Variants in MAP3K7 observed in about 807,000 individuals in gnomAD.
MAP3K7 encodes the protein TGF-beta activated kinase 1.
Under a neutral mutation model 84.8 loss-of-function variants are expected in MAP3K7, and 21 were observed. The observed-to-expected ratio is 0.25, with a 90% CI of 0.18 to 0.36. The LOEUF is 0.36. Ranked by LOEUF, MAP3K7 falls within the 10% of genes least tolerant of loss-of-function variation. The pLI is 1.00. For missense variants in MAP3K7, 503 were observed against 747.7 expected, an observed-to-expected ratio of 0.67 and a Z score of 3.82; for synonymous variants, 241 against 247.7, an observed-to-expected ratio of 0.97 and a Z score of 0.25.
intron 1 of MAP3K7, 29 bp downstream of exon 1, chr6:90,586,735 C>A: frequency 1.9e-6 from 3 of 1,555,158 alleles, no homozygotes; most frequent in Non-Finnish European, 2.6e-6. Context: ...CAGGCCGGGA[C>A]CGGCGTCTCC....
intron 3 of MAP3K7, among the ~76,000 whole-genome samples, chr6:90,566,346 T>C (rs1340011142): frequency 6.6e-6 from 1 of 152,338 alleles, no homozygotes; most frequent in Non-Finnish European, 1.5e-5. Context: ...CTTAAGCTGA[T>C]AAGCAACTTC....
Position 90,571,753 on chromosome 6 carries a change from C to T in MAP3K7, c.175G>A (p.Asp59Asn). The change falls in exon 2 of 17, where the codon GAT becomes AAT. Residue 59 changes from aspartate to asparagine, a missense_variant. Asp to Asn is a conservative substitution (Grantham distance 23, BLOSUM62 1). Coordinates refer to ENST00000369329, the MANE Select transcript of MAP3K7 (RefSeq NM_145331.3). ...CTTTCTATTTGTTTAATAGCAACAT[C>T]TTTTGCTCTCCACTTAGCTTTGCAA... Reference protein sequence around the residue: ...VVCKAKWRAKDVAIKQIESES... With the variant: ...VVCKAKWRAKNVAIKQIESES... The T allele has an allele frequency of 6.2e-7, 1 of 1,606,352 alleles. No homozygotes were observed. Among genetic ancestry groups the T allele is most frequent in the South Asian group, 1.1e-5 (1 of 89,864 alleles).
chr6:90,586,543 A>T (rs1777462307), intron 1 of MAP3K7, among the ~76,000 whole-genome samples: 1 of 152,116 alleles, frequency 6.6e-6, no homozygotes, highest in Admixed American at 6.5e-5. Context: ...ATCCAAAATC[A>T]AGAGTACCCA....
intron 2 of MAP3K7, 89 bp downstream of exon 2, chr6:90,571,608 C>T: frequency 1.3e-5 from 9 of 684,544 alleles, no homozygotes; most frequent in Non-Finnish European, 2.1e-5. Context: ...AAAGAAATGA[C>T]ATCTGAGAAA....
At chr6:90,566,620 G>A (rs1322542132) in intron 3 of MAP3K7, among the ~76,000 whole-genome samples, 1 of 152,168 alleles carries the variant, frequency 6.6e-6, no homozygotes, top group Non-Finnish European at 1.5e-5. Flanking sequence ...TCAATATCGT[G>A]AAAATGGTCA....
intron 12 of MAP3K7, among the ~76,000 whole-genome samples, chr6:90,540,445 A>G (rs1380103877): frequency 6.6e-6 from 1 of 152,034 alleles, no homozygotes; most frequent in East Asian, 1.9e-4. Context: ...AGCATTAAAA[A>G]TGTCTGTAAT....
chr6:90,554,217 T>A lies in MAP3K7; in HGVS notation c.608-631A>T, dbSNP rs577912420. On this transcript the variant is annotated intron_variant, in intron 6 of 16. Transcript: ENST00000369329. ...CCATTGTGCCTGGCCTCCTTTCTGT[T>A]ACATTTTAATCTTAAATTTTCTTCC... Among the ~76,000 whole-genome samples the A allele has an allele frequency of 3.9e-5, 6 of 152,300 alleles. No individual in the cohort carries two copies. The East Asian group carries it at 5.8e-4, about 15-fold the overall frequency.
intron 12 of MAP3K7, among the ~76,000 whole-genome samples, chr6:90,540,602 G>GT (rs1190703442): frequency 6.6e-6 from 1 of 151,868 alleles, no homozygotes; most frequent in Non-Finnish European, 1.5e-5. Flanking sequence ...TTTATAGGTG[G>GT]TAAGTATATA....
chr6:90,516,139 T>C lies in MAP3K7; in HGVS notation c.*362A>G. 4.7e-6 allele frequency: 1 copy of C among 213,162 alleles called. No homozygotes were observed. The highest frequency in any genetic ancestry group is 1.8e-3 in the Middle Eastern group (1 of 564). 13.2% of individuals were successfully genotyped at this position (213,162 alleles called of 1,614,324 possible). On this transcript the variant is annotated 3_prime_UTR_variant, in exon 17 of 17. Transcript: ENST00000369329. The stretch of plus-strand genomic sequence containing the variant: ...AAAGTCATTCTTGAGGTTCCACCTC[T>C]AATATGAAAAAATGGACGCTGTTTG...
intron 9 of MAP3K7, 32 bp downstream of exon 9, chr6:90,550,436 C>G: frequency 2.9e-6 from 4 of 1,398,520 alleles, no homozygotes; most frequent in Non-Finnish European, 4.0e-6. Context: ...AAAGAAAAAT[C>G]AAGTCAATAC....
chr6:90,544,272 A>G (rs565782271), intron 12 of MAP3K7, among the ~76,000 whole-genome samples: 11 of 152,208 alleles, frequency 7.2e-5, no homozygotes, highest in Admixed American at 3.3e-4. Flanking sequence ...TGCTCACTTA[A>G]AAGTAGAGAG....
In MAP3K7 at chr6:90,516,413, A is replaced by G. The variant is rs1774963526; in HGVS notation, c.*88T>C. ...GCATTCAGAACACGCCAAAAAGCTAACACTCATGAATCGTCATTATAAGGT... is the reference window on the plus strand; with the variant it reads ...GCATTCAGAACACGCCAAAAAGCTAGCACTCATGAATCGTCATTATAAGGT... On this transcript the variant is annotated 3_prime_UTR_variant, in exon 17 of 17. Coordinates refer to ENST00000369329, the MANE Select transcript of MAP3K7 (RefSeq NM_145331.3). 1.5e-6 allele frequency: 2 copies of G among 1,365,832 alleles called. No homozygotes were observed. The highest frequency in any genetic ancestry group is 2.5e-5 in the South Asian group (2 of 79,006). The allele number at this position is 1,365,832 out of a possible 1,614,324, so 84.6% of individuals were successfully genotyped here.
intron 1 of MAP3K7, among the ~76,000 whole-genome samples, chr6:90,572,692 C>T (rs1330678474): frequency 6.6e-6 from 1 of 151,814 alleles, no homozygotes; most frequent in East Asian, 1.9e-4. Context: ...GATCTCATTA[C>T]AGTTATTTTT....
intron 5 of MAP3K7, among the ~76,000 whole-genome samples, chr6:90,559,469 A>G (rs1373059221): frequency 6.6e-6 from 1 of 152,184 alleles, no homozygotes; most frequent in Non-Finnish European, 1.5e-5. Flanking sequence ...AAAGGAAACA[A>G]TATGTTTTAT....
chr6:90,568,022 T>C (rs996563695), intron 3 of MAP3K7, among the ~76,000 whole-genome samples: 8 of 152,162 alleles, frequency 5.3e-5, no homozygotes, highest in South Asian at 2.1e-4. Flanking sequence ...ATGAGAACAC[T>C]TGGACACAGG....
chr6:90,553,360 G>T, intron 7 of MAP3K7, 98 bp downstream of exon 7: 1 of 1,173,232 alleles, frequency 8.5e-7, no homozygotes, highest in Non-Finnish European at 1.2e-6. Context: ...ACATTTTAAT[G>T]TTAGAGATAA....
rs1774955137 is a variant in MAP3K7 at position 90,516,201 on chromosome 6, G to C, written c.*300C>G. The C allele has an allele frequency of 2.5e-6, 1 of 399,260 alleles. No homozygotes were observed. The highest frequency in any genetic ancestry group is 4.4e-5 in the Admixed American group (1 of 22,554). 24.7% of individuals were successfully genotyped at this position (399,260 alleles called of 1,614,324 possible). ...TAGTTTGATACCTCCTGTTCTGTTA[G>C]GCTAGCCTTCACACAATGAGCATGC... On this transcript the variant is annotated 3_prime_UTR_variant, in exon 17 of 17. Transcript: ENST00000369329.
chr6:90,563,252 C>A (rs910208327), intron 3 of MAP3K7, among the ~76,000 whole-genome samples: 3 of 152,118 alleles, frequency 2.0e-5, no homozygotes, highest in African/African-American at 7.2e-5. Flanking sequence ...AGGCTTCAGA[C>A]AATCGGTAAT....
At chr6:90,546,442 G>T (rs1411473607) in intron 11 of MAP3K7, among the ~76,000 whole-genome samples, 1 of 152,064 alleles carries the variant, frequency 6.6e-6, no homozygotes, top group Non-Finnish European at 1.5e-5. Context: ...CTCTGAGTGG[G>T]GTAATTATGT....
Sources: allele counts gnomAD v4.1 joint callset (sites outside exome capture counted in the v4.1 genomes callset), GRCh38; gene constraint gnomAD v4.1.1; transcripts MANE v1.5; gene names NCBI Gene and HGNC (gene_info 2026-07-23, HGNC 2026-07-21).